AOAH: variants seen among roughly 807,000 people sequenced by gnomAD.
AOAH encodes the protein acyloxyacyl hydrolase, also known as acyloxyacyl hydrolase (neutrophil).
Under a neutral mutation model 92.2 loss-of-function variants are expected in AOAH, and 64 were observed. That is an observed-to-expected ratio of 0.69 (90% CI 0.57 to 0.86). AOAH has a LOEUF of 0.86. Among genes scored for constraint, AOAH ranks in the 40% least tolerant of loss-of-function variants. The probability of loss-of-function intolerance (pLI) is 0.00; values close to 1 mark genes in which losing one functional copy is unlikely to be tolerated. For missense variants in AOAH, 656 were observed against 694.6 expected (o/e 0.94, Z 0.62); for synonymous variants, 263 against 254.5 (o/e 1.03, Z -0.32).
At chr7:36,648,632 T>TC (rs1428797433) in intron 4 of AOAH, among the ~76,000 whole-genome samples, 1 of 151,204 alleles carries the variant, frequency 6.6e-6, no homozygotes, top group East Asian at 1.9e-4. Flanking sequence ...ATGGTTCCTT[T>TC]TTTTTTTTTT....
At chr7:36,698,416 GT>G (rs1343511362) in intron 1 of AOAH, among the ~76,000 whole-genome samples, 1 of 151,798 alleles carries the variant, frequency 6.6e-6, no homozygotes. Flanking sequence ...TTGCATTCCT[GT>G]TTTTTATTTT....
intron 16 of AOAH, among the ~76,000 whole-genome samples, chr7:36,540,000 C>T (rs1161850131): frequency 6.6e-6 from 1 of 152,186 alleles, no homozygotes; most frequent in Non-Finnish European, 1.5e-5. Context: ...ACTCACGGGT[C>T]TGTCTCCTGT....
intron 13 of AOAH, among the ~76,000 whole-genome samples, chr7:36,552,515 T>C (rs1426082717): frequency 6.6e-6 from 1 of 152,228 alleles, no homozygotes; most frequent in Non-Finnish European, 1.5e-5. Context: ...ATTGGGTATA[T>C]AACCATAATG....
intron 11 of AOAH, among the ~76,000 whole-genome samples, chr7:36,602,118 A>C (rs1002655933): frequency 1.3e-5 from 2 of 152,180 alleles, no homozygotes; most frequent in Non-Finnish European, 2.9e-5. Context: ...GCCAGTACAA[A>C]AGCTTATGGG....
chr7:36,530,772 C>A, intron 18 of AOAH: 1 of 351,898 alleles, frequency 2.8e-6, no homozygotes, highest in South Asian at 5.1e-5. Flanking sequence ...TTGGGACTGG[C>A]AAAGGTAAGA....
intron 11 of AOAH, among the ~76,000 whole-genome samples, chr7:36,602,313 CT>C (rs985092738): frequency 1.1e-4 from 17 of 152,144 alleles, no homozygotes; most frequent in Middle Eastern, 3.4e-3. Flanking sequence ...TTATTTATTA[CT>C]TAAGCTCTAA....
intron 6 of AOAH, 37 bp downstream of exon 6, chr7:36,631,999 A>G (rs770961005): frequency 6.6e-7 from 1 of 1,521,782 alleles, no homozygotes; most frequent in African/African-American, 1.4e-5. Context: ...ACGTTATTAC[A>G]TGCTAGTGCT....
intron 4 of AOAH, among the ~76,000 whole-genome samples, chr7:36,648,540 A>C (rs187493284): frequency 1.3e-5 from 2 of 151,908 alleles, no homozygotes; most frequent in East Asian, 3.9e-4. Flanking sequence ...GAAGGGGGCA[A>C]GTTTTTACTA....
chr7:36,718,919 T>C (rs893180172), intron 1 of AOAH, among the ~76,000 whole-genome samples: 2 of 152,106 alleles, frequency 1.3e-5, no homozygotes, highest in African/African-American at 4.8e-5. Context: ...TTTAAAAGAG[T>C]GAAGTTTATG....
intron 4 of AOAH, among the ~76,000 whole-genome samples, chr7:36,652,412 C>A (rs1376548596): frequency 6.6e-6 from 1 of 152,148 alleles, no homozygotes. Context: ...ATGTTTTTTA[C>A]ATAGAAGAAT....
chr7:36,617,544 G>A (rs758689007), intron 10 of AOAH, among the ~76,000 whole-genome samples: 4 of 152,234 alleles, frequency 2.6e-5, no homozygotes, highest in Admixed American at 1.3e-4. Context: ...AAGTATAACC[G>A]TTGGTTAGAA....
In AOAH at chr7:36,513,345, T is replaced by C. The variant is rs1464522074; in HGVS notation, c.1635A>G (p.Lys545=). Residue 545 remains lysine, a synonymous_variant, in exon 21 of 21, where the codon AAA becomes AAG. Coordinates refer to ENST00000617537, the MANE Select transcript of AOAH (RefSeq NM_001637.4). ...ALLLLADHFW[K]KVQLQWPQIL... ...TTTGGGGCCACTGGAGCTGCACCTT[T>C]TTCCAGAAATGATCCGCCAACAACA... The C allele has an allele frequency of 6.2e-7, 1 of 1,614,036 alleles. No homozygotes were observed. Among genetic ancestry groups the C allele is most frequent in the African/African-American group, 1.3e-5 (1 of 74,906 alleles).
chr7:36,711,320 AT>A (rs1345543876), intron 1 of AOAH, among the ~76,000 whole-genome samples: 1 of 152,106 alleles, frequency 6.6e-6, no homozygotes, highest in Non-Finnish European at 1.5e-5. Context: ...TCCATAACAA[AT>A]TTTAAAATAT....
intron 1 of AOAH, among the ~76,000 whole-genome samples, chr7:36,705,047 G>A (rs1009759469): frequency 1.3e-5 from 2 of 152,072 alleles, no homozygotes; most frequent in Non-Finnish European, 2.9e-5. Context: ...ATACTGAATG[G>A]GCAAAAGCTA....
At chr7:36,636,115 G>T (rs535159393) in intron 5 of AOAH, among the ~76,000 whole-genome samples, 4 of 152,214 alleles carry the variant, frequency 2.6e-5, no homozygotes, top group African/African-American at 9.6e-5. Flanking sequence ...CAGGTCTGAA[G>T]TTATATCAGC....
chr7:36,598,884 G>A (rs1176706796), intron 11 of AOAH, among the ~76,000 whole-genome samples: 1 of 152,172 alleles, frequency 6.6e-6, no homozygotes, highest in Admixed American at 6.5e-5. Flanking sequence ...TGCAAATTAA[G>A]ATTTTCCTCA....
At chr7:36,518,767 C>T (rs912279317) in intron 20 of AOAH, among the ~76,000 whole-genome samples, 1 of 152,142 alleles carries the variant, frequency 6.6e-6, no homozygotes, top group Non-Finnish European at 1.5e-5. Flanking sequence ...AAGCCAGAAG[C>T]GGTTTCAGAG....
chr7:36,620,218 A>G (rs1004372509), intron 9 of AOAH, among the ~76,000 whole-genome samples: 7 of 152,112 alleles, frequency 4.6e-5, no homozygotes, highest in Non-Finnish European at 1.0e-4. Context: ...TGTAAGCTTA[A>G]CACCCCACAA....
At chr7:36,711,909 T>A (rs1252142685) in intron 1 of AOAH, among the ~76,000 whole-genome samples, 1 of 151,904 alleles carries the variant, frequency 6.6e-6, no homozygotes, top group African/African-American at 2.4e-5. Context: ...AACATCAGAG[T>A]GACGGGTAAG....
Sources: gnomAD v4.1 joint callset for allele counts (sites outside exome capture counted in the v4.1 genomes callset) on GRCh38, gnomAD v4.1.1 for gene constraint, MANE v1.5 for transcripts, NCBI Gene and HGNC (gene_info 2026-07-23, HGNC 2026-07-21) for gene names.